The following NRG3 variants were observed in gnomAD, a reference collection of about 807,000 sequenced individuals.
NRG3 encodes neuregulin 3.
Under a neutral mutation model 66.9 loss-of-function variants are expected in NRG3, and 31 were observed. The observed-to-expected ratio is 0.46, with a 90% CI of 0.35 to 0.63. NRG3 has a LOEUF of 0.63. NRG3 is among the 20% of genes least tolerant of loss of function. The pLI is 0.00. For missense variants in NRG3, 910 were observed against 878.9 expected (o/e 1.04, Z -0.45); for synonymous variants, 393 against 359.4 (o/e 1.09, Z -1.06).
chr10:82,035,691 A>G (rs1446466599), intron 1 of NRG3, among the ~76,000 whole-genome samples: 1 of 152,116 alleles, frequency 6.6e-6, no homozygotes, highest in Non-Finnish European at 1.5e-5. Flanking sequence ...GGTTGGGGAC[A>G]AATGTTTTTG....
At chr10:82,173,787 C>T (rs547900292) in intron 1 of NRG3, among the ~76,000 whole-genome samples, 2 of 152,048 alleles carry the variant, frequency 1.3e-5, no homozygotes, top group South Asian at 4.2e-4. Context: ...AAGGCATGCT[C>T]CAAAGTGTGC....
At chr10:82,702,836 A>G (rs2055990266) in intron 2 of NRG3, among the ~76,000 whole-genome samples, 1 of 152,168 alleles carries the variant, frequency 6.6e-6, no homozygotes, top group South Asian at 2.1e-4. Flanking sequence ...TTTGTATCAG[A>G]TGTACATAAA....
In NRG3 at chr10:82,053,137, T is replaced by TC. The variant is rs2063679975; in HGVS notation, c.823+176974_823+176975insC. Among the ~76,000 whole-genome samples the TC allele has an allele frequency of 2.0e-5, 3 of 152,322 alleles. No individual in the cohort carries two copies. In the South Asian group the frequency reaches 6.2e-4, roughly 32 times the overall value. ...ATTCATGTATTTCATTTGATTATTT[T>TC]TTTTTTTAACATTTCAGTGTTCCAA... On this transcript the variant is annotated intron_variant, in intron 1 of 8. Coordinates refer to ENST00000372141, the MANE Select transcript of NRG3 (RefSeq NM_001010848.4).
intron 1 of NRG3, among the ~76,000 whole-genome samples, chr10:82,131,767 T>C (rs1275695813): frequency 6.6e-6 from 1 of 152,136 alleles, no homozygotes; most frequent in African/African-American, 2.4e-5. Flanking sequence ...GTTAAGTTTA[T>C]TCCTAGGTAT....
chr10:81,883,132 T>A (rs1185932321), intron 1 of NRG3, among the ~76,000 whole-genome samples: 1 of 152,170 alleles, frequency 6.6e-6, no homozygotes, highest in Non-Finnish European at 1.5e-5. Flanking sequence ...AAAATAGGCA[T>A]GTCTGCACTG....
intron 1 of NRG3, among the ~76,000 whole-genome samples, chr10:81,968,298 A>G (rs972362992): frequency 1.3e-5 from 2 of 152,152 alleles, no homozygotes; most frequent in African/African-American, 2.4e-5. Context: ...ATTCTCCCCA[A>G]TAATTAAACT....
chr10:82,591,059 A>T (rs1242054214), intron 2 of NRG3, among the ~76,000 whole-genome samples: 2 of 152,186 alleles, frequency 1.3e-5, no homozygotes, highest in Non-Finnish European at 2.9e-5. Context: ...GGTTTCCCTG[A>T]GGCACATCAG....
intron 2 of NRG3, among the ~76,000 whole-genome samples, chr10:82,685,220 C>T (rs183287292): frequency 2.0e-5 from 3 of 152,172 alleles, no homozygotes; most frequent in Non-Finnish European, 4.4e-5. Context: ...CTCAATGGCT[C>T]ATGCAATTTT....
intron 1 of NRG3, among the ~76,000 whole-genome samples, chr10:82,011,083 G>T (rs1387504835): frequency 6.6e-6 from 1 of 152,054 alleles, no homozygotes; most frequent in Admixed American, 6.6e-5. Context: ...TACTGCATTG[G>T]TCTGTTGTCA....
chr10:82,521,491 C>T (rs1314898608), intron 2 of NRG3, among the ~76,000 whole-genome samples: 2 of 152,110 alleles, frequency 1.3e-5, no homozygotes, highest in African/African-American at 4.8e-5. Flanking sequence ...CACGCGCCCG[C>T]CACCACGCCC....
intron 2 of NRG3, among the ~76,000 whole-genome samples, chr10:82,611,434 A>G (rs1291904886): frequency 3.3e-5 from 5 of 151,816 alleles, no homozygotes; most frequent in African/African-American, 1.2e-4. Context: ...CCACCCCTGG[A>G]CAGGCCCTGG....
intron 1 of NRG3, among the ~76,000 whole-genome samples, chr10:82,133,001 T>C (rs1293734905): frequency 6.6e-6 from 1 of 152,036 alleles, no homozygotes; most frequent in Non-Finnish European, 1.5e-5. Context: ...TTGTTTATTT[T>C]TACAAAAAAT....
intron 2 of NRG3, among the ~76,000 whole-genome samples, chr10:82,682,239 G>C (rs2134129089): frequency 6.6e-6 from 1 of 152,068 alleles, no homozygotes; most frequent in East Asian, 1.9e-4. Context: ...ACTAAGCAAG[G>C]CTCGTCACCA....
intron 1 of NRG3, among the ~76,000 whole-genome samples, chr10:82,148,969 CAGAT>C (rs945953253): frequency 2.6e-5 from 4 of 152,026 alleles, no homozygotes; most frequent in African/African-American, 9.7e-5. Context: ...TGAGATGAGT[CAGAT>C]AGGGAAGACA....
At chr10:82,116,168 A>T (rs2067699630) in intron 1 of NRG3, among the ~76,000 whole-genome samples, 2 of 152,106 alleles carry the variant, frequency 1.3e-5, no homozygotes, top group South Asian at 4.1e-4. Flanking sequence ...ATTCCAAAAA[A>T]AATTTTTTTA....
intron 2 of NRG3, among the ~76,000 whole-genome samples, chr10:82,657,792 G>T (rs879938074): frequency 5.3e-5 from 8 of 151,498 alleles, no homozygotes; most frequent in Non-Finnish European, 1.0e-4. Context: ...AATGGACAAA[G>T]ACCTTAAAGA....
intron 1 of NRG3, among the ~76,000 whole-genome samples, chr10:82,252,551 C>G (rs1032577538): frequency 2.0e-5 from 3 of 152,126 alleles, no homozygotes; most frequent in African/African-American, 7.2e-5. Context: ...CACTGAGATT[C>G]AGAAAACTTG....
intron 1 of NRG3, among the ~76,000 whole-genome samples, chr10:82,319,887 T>G (rs913225745): frequency 3.3e-5 from 5 of 152,208 alleles, no homozygotes; most frequent in African/African-American, 9.6e-5. Context: ...TTTGGTTTCT[T>G]GGCTGCATCT....
intron 1 of NRG3, among the ~76,000 whole-genome samples, chr10:82,251,461 T>A (rs1274746939): frequency 6.6e-6 from 1 of 151,858 alleles, no homozygotes; most frequent in East Asian, 1.9e-4. Context: ...CACATGGGAG[T>A]GATCACAATC....
Sources: gnomAD v4.1 joint callset for allele counts (sites outside exome capture counted in the v4.1 genomes callset) on GRCh38, gnomAD v4.1.1 for gene constraint, MANE v1.5 for transcripts, NCBI Gene and HGNC (gene_info 2026-07-23, HGNC 2026-07-21) for gene names.